Variants in ATP2C2 observed in about 807,000 individuals in gnomAD.
The protein encoded by ATP2C2 is calcium-transporting ATPase type 2C member 2.
ATP2C2 carries 171 observed loss-of-function variants against 110.8 expected under a neutral mutation model. The observed-to-expected ratio is 1.54, with a 90% CI of 1.36 to 1.75. The LOEUF is 1.75. Ranked by LOEUF, ATP2C2 falls within the 40% of genes most tolerant of loss-of-function variation. The pLI, the probability that ATP2C2 is intolerant of heterozygous loss-of-function variation, is 0.00. For missense variants in ATP2C2, 1,963 were observed against 1,235.0 expected, an observed-to-expected ratio of 1.59 and a Z score of -8.84; for synonymous variants, 804 against 508.4, an observed-to-expected ratio of 1.58 and a Z score of -7.82.
At chr16:84,411,046 A>G in intron 6 of ATP2C2, 1 of 509,150 alleles carries the variant, frequency 2.0e-6, no homozygotes, top group Non-Finnish European at 3.6e-6. Context: ...GGAAGAGGGT[A>G]GCCCACAAAG....
rs757275381 is a variant in ATP2C2 at position 84,461,939 on chromosome 16, C to G, written c.2581-49C>G. 2.5e-6 allele frequency: 4 copies of G among 1,608,262 alleles called. No homozygotes were observed. In the African/African-American group the frequency reaches 5.3e-5, roughly 21 times the overall value. ...GGCAGTCAGAGCTCCCCTGCCTGTA[C>G]CTGGGGTGTGGACAGCACACAATCC... On this transcript the variant is annotated intron_variant, in intron 25 of 26. Coordinates refer to ENST00000262429, the MANE Select transcript of ATP2C2 (RefSeq NM_014861.4).
chr16:84,412,668 G>A (rs1032650942), intron 6 of ATP2C2, among the ~76,000 whole-genome samples: 26 of 152,092 alleles, frequency 1.7e-4, no homozygotes, highest in African/African-American at 6.0e-4. Context: ...CCATAAGCTC[G>A]TTCTCCTAGT....
intron 7 of ATP2C2, among the ~76,000 whole-genome samples, chr16:84,418,166 C>G (rs559012260): frequency 2.0e-5 from 3 of 152,288 alleles, no homozygotes; most frequent in African/African-American, 7.2e-5. Flanking sequence ...CCAAGTGACG[C>G]TTCGTCTTGG....
chr16:84,369,748 A>G (rs2151391211), intron 1 of ATP2C2, among the ~76,000 whole-genome samples: 1 of 152,348 alleles, frequency 6.6e-6, no homozygotes, highest in Non-Finnish European at 1.5e-5. Flanking sequence ...GAGATTAAGT[A>G]TTCGTGCTTT....
rs116528746 is a variant in ATP2C2 at position 84,438,232 on chromosome 16, C to T, written c.987-934C>T. On this transcript the variant is annotated intron_variant, in intron 11 of 26. Coordinates refer to ENST00000262429, the MANE Select transcript of ATP2C2 (RefSeq NM_014861.4). The stretch of plus-strand genomic sequence containing the variant: ...GCAGAGAGGATGATAAAGTGAACAC[C>T]TGTGTAGCCACTACCCAGCTTCAGC... Among the ~76,000 whole-genome samples the T allele has an allele frequency of 5.2e-3, 796 of 152,322 alleles. 9 individuals carry two copies. Among genetic ancestry groups the T allele is most frequent in the African/African-American group, 0.018 (740 of 41,560 alleles).
At chr16:84,391,262 G>C (rs1904646907) in intron 1 of ATP2C2, among the ~76,000 whole-genome samples, 1 of 152,158 alleles carries the variant, frequency 6.6e-6, no homozygotes, top group Non-Finnish European at 1.5e-5. Flanking sequence ...GCGATTCACA[G>C]TGGACTGATG....
intron 7 of ATP2C2, among the ~76,000 whole-genome samples, 186 bp downstream of exon 7, chr16:84,415,777 A>G (rs1018630419): frequency 1.3e-5 from 2 of 152,210 alleles, no homozygotes; most frequent in African/African-American, 4.8e-5. Context: ...CCCTCAAACC[A>G]TATTTCATAA....
chr16:84,424,441 C>T (rs1907617029), intron 10 of ATP2C2, among the ~76,000 whole-genome samples: 1 of 152,056 alleles, frequency 6.6e-6, no homozygotes. Context: ...TCACGCCCAG[C>T]TGATTTTTGT....
chr16:84,400,047 T>G (rs1905223532), intron 2 of ATP2C2, among the ~76,000 whole-genome samples: 1 of 152,204 alleles, frequency 6.6e-6, no homozygotes, highest in Non-Finnish European at 1.5e-5. Context: ...GTTATTTGAC[T>G]TAATATAATG....
At position 84,413,910 on chromosome 16, in the gene ATP2C2, G is replaced by T. The variant is rs78464952; in HGVS notation, c.516-1573G>T. On this transcript the variant is annotated intron_variant, in intron 6 of 26. Coordinates refer to ENST00000262429, the MANE Select transcript of ATP2C2 (RefSeq NM_014861.4). ...AAGTGGAAGAAATGGGGAGGCCTCG[G>T]CCTTTGGGGACCTCACATTCCTACC... is the stretch of plus-strand genomic sequence containing the variant. 3.6e-3 allele frequency among the ~76,000 whole-genome samples: 541 copies of T among 152,254 alleles called. 10 individuals are homozygous for T. The highest frequency in any genetic ancestry group is 0.012 in the African/African-American group (518 of 41,538).
At chr16:84,381,711 C>G (rs1910588569) in intron 1 of ATP2C2, among the ~76,000 whole-genome samples, 1 of 152,220 alleles carries the variant, frequency 6.6e-6, no homozygotes, top group East Asian at 1.9e-4. Context: ...GTCAACACAT[C>G]TTCAATGGCG....
chr16:84,395,403 A>G (rs1904910872), intron 1 of ATP2C2, among the ~76,000 whole-genome samples: 1 of 151,720 alleles, frequency 6.6e-6, no homozygotes, highest in South Asian at 2.1e-4. Flanking sequence ...AGCACGTGAC[A>G]AAGGTTGGGG....
At position 84,418,000 on chromosome 16, in the gene ATP2C2, A is replaced by G. The variant is rs146220183; in HGVS notation, c.624+2409A>G. The stretch of plus-strand genomic sequence containing the variant: ...AGTAATAGACCTTTTTGCACAGTAT[A>G]TGGGGGTCCCAGAACATTATTTTCC... On this transcript the variant is annotated intron_variant, in intron 7 of 26. Transcript: ENST00000262429. Among the ~76,000 whole-genome samples the G allele has an allele frequency of 4.2e-3, 646 of 152,318 alleles. 4 individuals carry two copies. Among genetic ancestry groups the G allele is most frequent in the Non-Finnish European group, 6.6e-3 (448 of 68,014 alleles).
rs761070226 is a variant in ATP2C2, at chr16:84,463,602, C to G, written c.2723-12C>G. Reference sequence around the variant, plus strand: ...GCCCGTCCTGAATCTTTTCTGTTTTCTCCCTTGGCAGATTTGCTGTTTTTA... The same window carrying G: ...GCCCGTCCTGAATCTTTTCTGTTTTGTCCCTTGGCAGATTTGCTGTTTTTA... On this transcript the variant is annotated splice_polypyrimidine_tract_variant and intron_variant, in intron 26 of 26. Coordinates refer to ENST00000262429, the MANE Select transcript of ATP2C2 (RefSeq NM_014861.4). 6.2e-7 allele frequency: 1 copy of G among 1,606,742 alleles called. No individual in the cohort carries two copies. The highest frequency in any genetic ancestry group is 1.1e-5 in the South Asian group (1 of 90,902).
intron 4 of ATP2C2, among the ~76,000 whole-genome samples, chr16:84,408,807 C>T (rs1375574968): frequency 2.0e-5 from 3 of 151,904 alleles, no homozygotes; most frequent in African/African-American, 7.3e-5. Flanking sequence ...ATTTGCCTTC[C>T]GAAGAACAAC....
intron 6 of ATP2C2, among the ~76,000 whole-genome samples, chr16:84,412,010 TTTG>T (rs145342075): frequency 0.026 from 3,965 of 151,548 alleles, 170 homozygotes; most frequent in African/African-American, 0.089. Flanking sequence ...TCTTTTTCTT[TTTG>T]TTGTTGTTGT....
At position 84,448,564 on chromosome 16, in the gene ATP2C2, C is replaced by G; in HGVS notation, c.1535C>G (p.Ala512Gly). 6.2e-7 allele frequency: 1 copy of G among 1,613,084 alleles called. No individual in the cohort carries two copies. The highest frequency in any genetic ancestry group is 8.5e-7 in the Non-Finnish European group (1 of 1,179,404). The change falls in exon 17 of 27, where the codon GCC becomes GGC. Residue 512 changes from alanine to glycine, a missense_variant. Coordinates refer to ENST00000262429, the MANE Select transcript of ATP2C2 (RefSeq NM_014861.4). The part of the protein sequence containing the change: ...DQEDIYFMKG[A>G]LEEVIRYCTM... ...GAAGACATTTACTTCATGAAAGGGG[C>G]CTTGGAAGAGGTGATCCGCTACTGC...
At chr16:84,461,860 C>A (rs367800319) in intron 25 of ATP2C2, 48 bp downstream of exon 25, 24 of 1,606,000 alleles carry the variant, frequency 1.5e-5, no homozygotes, top group Non-Finnish European at 2.0e-5. Flanking sequence ...TGTGTGTTCT[C>A]GACAGCAGCG....
intron 6 of ATP2C2, among the ~76,000 whole-genome samples, chr16:84,411,686 C>G (rs1906308536): frequency 6.6e-6 from 1 of 152,352 alleles, no homozygotes; most frequent in Admixed American, 6.5e-5. Context: ...AGATGATCTG[C>G]CTGCCTCAGC....
Sources: gnomAD v4.1 joint callset for allele counts (sites outside exome capture counted in the v4.1 genomes callset) on GRCh38, gnomAD v4.1.1 for gene constraint, MANE v1.5 for transcripts, NCBI Gene and HGNC (gene_info 2026-07-23, HGNC 2026-07-21) for gene names.